MSL1: variants seen among roughly 807,000 people sequenced by gnomAD.
MSL1 encodes the protein male-specific lethal 1 homolog.
MSL1 carries 21 observed loss-of-function variants against 64.6 expected under a neutral mutation model. The ratio of observed to expected loss-of-function variants is 0.33; its 90% CI spans 0.23 to 0.47. The LOEUF is 0.47. Ranked by LOEUF, MSL1 falls within the 20% of genes least tolerant of loss-of-function variation. The probability of loss-of-function intolerance (pLI) is 1.00; values close to 1 mark genes in which losing one functional copy is unlikely to be tolerated. For synonymous variants in MSL1, 339 were observed against 329.6 expected, an observed-to-expected ratio of 1.03 and a Z score of -0.31; for missense variants, 664 against 793.2, an observed-to-expected ratio of 0.84 and a Z score of 1.96.
In MSL1 at chr17:40,122,630, G is replaced by T; in HGVS notation, c.18G>T (p.Ala6=). MTMRS[A]VFKAAAAPAG... ...GGACCACTATGACCATGAGATCCGCGGTGTTCAAGGCGGCCGCGGCCCCTG... is the reference window on the plus strand; with the variant it reads ...GGACCACTATGACCATGAGATCCGCTGTGTTCAAGGCGGCCGCGGCCCCTG... Residue 6 remains alanine (A), a synonymous_variant, in exon 1 of 9, where the codon GCG becomes GCT. Coordinates refer to ENST00000398532, the MANE Select transcript of MSL1 (RefSeq NM_001365919.1). This position sits in a 1 kb window ranked among gnomAD's most constrained non-coding sequence, Gnocchi z 4.2. 1.3e-6 allele frequency: 2 copies of T among 1,486,708 alleles called. No homozygotes were observed. Among genetic ancestry groups the T allele is most frequent in the Non-Finnish European group, 1.8e-6 (2 of 1,125,760 alleles). 92.1% of individuals were successfully genotyped at this position (1,486,708 alleles called of 1,614,324 possible). A position where few individuals can be genotyped will look rare whatever the true frequency, so the allele number is the denominator to read the frequency against.
chr17:40,133,301 CTT>C, intron 6 of MSL1, 192 bp downstream of exon 6: 1 of 747,984 alleles, frequency 1.3e-6, no homozygotes, highest in Non-Finnish European at 2.1e-6. Flanking sequence ...TGTTTGGCCT[CTT>C]TTTGTGTATG....
In MSL1 at chr17:40,123,373, G is replaced by A; in HGVS notation, c.761G>A (p.Arg254Lys). The A allele has an allele frequency of 6.5e-7, 1 of 1,536,430 alleles. No individual in the cohort carries two copies. Among genetic ancestry groups the A allele is most frequent in the Non-Finnish European group, 8.7e-7 (1 of 1,146,884 alleles). The change falls in exon 1 of 9, where the codon AGA (arginine) becomes AAA (lysine). Residue 254 changes from arginine (R) to lysine (K), a missense_variant. This residue lies in a region of MSL1 where 466 missense variants were observed against 499.0 expected (regional missense o/e 0.93). Coordinates refer to ENST00000398532, the MANE Select transcript of MSL1 (RefSeq NM_001365919.1). ...EKEIEELKSE[R>K]DTLLARIERM... ...GAGATCGAGGAGCTGAAGTCAGAGA[G>A]AGACACGGTACGGGAGGGGTTAATC...
intron 2 of MSL1, 29 bp from the exon 3 acceptor site, chr17:40,129,216 T>C: frequency 6.8e-7 from 1 of 1,479,878 alleles, no homozygotes; most frequent in South Asian, 1.4e-5. Context: ...GTCAATAAAT[T>C]TTATAATGTT....
At chr17:40,132,895 G>A (rs2145136175) in intron 5 of MSL1, 147 bp from the exon 6 acceptor site, 1 of 646,908 alleles carries the variant, frequency 1.5e-6, no homozygotes, top group East Asian at 2.8e-5. Flanking sequence ...TTACCAGGAG[G>A]TTCCCATACT....
At position 40,131,585 on chromosome 17, in the gene MSL1, G is replaced by C; in HGVS notation, c.1423+1G>C. 6.2e-7 allele frequency: 1 copy of C among 1,613,694 alleles called. No homozygotes were observed. Among genetic ancestry groups the C allele is most frequent in the Non-Finnish European group, 8.5e-7 (1 of 1,179,660 alleles). On this transcript the variant is annotated splice_donor_variant, in intron 4 of 8. Coordinates refer to ENST00000398532, the MANE Select transcript of MSL1 (RefSeq NM_001365919.1). LOFTEE classifies it high-confidence loss of function. The surrounding 1 kb of genome is among the most constrained non-coding windows in gnomAD (Gnocchi z 4.5). ...GCAGGAGAAACTTCAGTCTTGGCTG[G>C]TGAGTAGAATAGGAATTGTGCTGGC...
intron 1 of MSL1, among the ~76,000 whole-genome samples, chr17:40,124,330 TCTCCCTCC>T (rs946576445): frequency 3.3e-5 from 5 of 151,920 alleles, no homozygotes; most frequent in Non-Finnish European, 7.4e-5. Context: ...TCTCTCCCTC[TCTCCCTCC>T]CTCTTCCTCC....
At chr17:40,132,528 C>A (rs2145135738) in intron 5 of MSL1, among the ~76,000 whole-genome samples, 1 of 152,138 alleles carries the variant, frequency 6.6e-6, no homozygotes, top group South Asian at 2.1e-4. Flanking sequence ...ATCCCAGCTA[C>A]TCGGGAGGCT....
At chr17:40,124,249 T>C (rs1209736397) in intron 1 of MSL1, among the ~76,000 whole-genome samples, 2 of 152,118 alleles carry the variant, frequency 1.3e-5, no homozygotes, top group Admixed American at 1.3e-4. Context: ...ATTACTGTGC[T>C]AGCATACCTT....
chr17:40,133,863 T>C lies in MSL1; in HGVS notation c.1718T>C (p.Val573Ala). 1.2e-6 allele frequency: 2 copies of C among 1,614,026 alleles called. No individual in the cohort carries two copies. Among genetic ancestry groups the C allele is most frequent in the Non-Finnish European group, 1.7e-6 (2 of 1,179,882 alleles). Reference sequence around the variant, plus strand: ...ATGATTACCCCCTTCTTGCCTGTTGTAGCATTTGGACGACCATTACCAAAA... The same window carrying C: ...ATGATTACCCCCTTCTTGCCTGTTGCAGCATTTGGACGACCATTACCAAAA... ...SLMITPFLPV[V>A]AFGRPLPKLT... The change falls in exon 8 of 9, where the codon GTA (valine) becomes GCA (alanine). Residue 573 changes from valine (V) to alanine (A), a missense_variant. By Grantham distance (64) the Val-to-Ala change is moderately conservative (BLOSUM62 0). Coordinates refer to ENST00000398532, the MANE Select transcript of MSL1 (RefSeq NM_001365919.1).
rs1009911814 is a variant in MSL1, at chr17:40,122,601, C to T, written c.-12C>T. 9 of 1,453,556 alleles carry T rather than the reference C, an allele frequency of 6.2e-6. No homozygotes were observed. In the Admixed American group the frequency reaches 1.0e-4, roughly 17 times the overall value. The allele number at this position is 1,453,556 out of a possible 1,614,324, so 90.0% of individuals were successfully genotyped here. A position where few individuals can be genotyped will look rare whatever the true frequency, so the allele number is the denominator to read the frequency against. On this transcript the variant is annotated 5_prime_UTR_variant, in exon 1 of 9. Transcript: ENST00000398532. This position sits in a 1 kb window ranked among gnomAD's most constrained non-coding sequence, Gnocchi z 4.2. ...TCCTCCGCCTCGGTGCCCGGCGCTG[C>T]TCCGGACCACTATGACCATGAGATC...
chr17:40,123,449 G>A, intron 1 of MSL1, 69 bp downstream of exon 1: 5 of 1,480,694 alleles, frequency 3.4e-6, no homozygotes, highest in Non-Finnish European at 4.5e-6. Context: ...GAAGGGGGCT[G>A]TAGGAGGTTA....
Position 40,131,853 on chromosome 17 carries a change from T to C in MSL1, c.1424-181T>C, listed in dbSNP as rs1184515475. 1.6e-6 allele frequency: 1 copy of C among 619,018 alleles called. No homozygotes were observed. The highest frequency in any genetic ancestry group is 2.7e-5 in the East Asian group (1 of 36,610). 38.3% of individuals were successfully genotyped at this position (619,018 alleles called of 1,614,324 possible). A position where few individuals can be genotyped will look rare whatever the true frequency, so the allele number is the denominator to read the frequency against. On this transcript the variant is annotated intron_variant, in intron 4 of 8. Transcript: ENST00000398532. The surrounding 1 kb of genome is among the most constrained non-coding windows in gnomAD (Gnocchi z 4.5). Reference sequence around the variant, plus strand: ...AGACTGCAATGGCATTTTAGGTTCTTTTATACCATAGCAAGGACACTGAAT... The same window carrying C: ...AGACTGCAATGGCATTTTAGGTTCTCTTATACCATAGCAAGGACACTGAAT...
Position 40,134,432 on chromosome 17 carries a change from A to C in MSL1, c.*63A>C. The C allele has an allele frequency of 7.4e-7, 1 of 1,350,544 alleles. No individual in the cohort carries two copies. 83.7% of individuals were successfully genotyped at this position (1,350,544 alleles called of 1,614,324 possible). On this transcript the variant is annotated 3_prime_UTR_variant, in exon 9 of 9. Transcript: ENST00000398532. ...CATGCCATTCCCGAGAGTGGCAGAG[A>C]CCTGTATATGTGACCTTTGTCCTCA... is the stretch of plus-strand genomic sequence containing the variant.
Position 40,126,169 on chromosome 17 carries a change from ACTCT to A in MSL1, c.769-9_769-6del, listed in dbSNP as rs1567668625. On this transcript the variant is annotated splice_polypyrimidine_tract_variant and intron_variant, in intron 1 of 8. Transcript: ENST00000398532. Reference sequence around the variant, plus strand: ...TTATGTGTTAAGTCTGCATTTTGCTACTCTCTCTTTTAGCTCCTTGCTCGGATTG... The same window carrying A: ...TTATGTGTTAAGTCTGCATTTTGCTACTCTTTTAGCTCCTTGCTCGGATTG... 6.2e-6 allele frequency: 10 copies of A among 1,611,950 alleles called. No homozygotes were observed. The Admixed American group carries it at 6.7e-5, about 11-fold the overall frequency.
chr17:40,131,343 G>A lies in MSL1; in HGVS notation c.1376-194G>A. The A allele has an allele frequency of 1.0e-5, 5 of 484,064 alleles. No homozygotes were observed. Among genetic ancestry groups the A allele is most frequent in the Non-Finnish European group, 1.5e-5 (4 of 268,408 alleles). 30.0% of individuals were successfully genotyped at this position (484,064 alleles called of 1,614,324 possible). On this transcript the variant is annotated intron_variant, in intron 3 of 8. Coordinates refer to ENST00000398532, the MANE Select transcript of MSL1 (RefSeq NM_001365919.1). The surrounding 1 kb of genome is among the most constrained non-coding windows in gnomAD (Gnocchi z 4.5). Reference sequence around the variant, plus strand: ...AGTCGTCTCAGTGTAAAAAAAAAAAGTGGTGGGCTTATTTTCTTTTCTTTT... The same window carrying A: ...AGTCGTCTCAGTGTAAAAAAAAAAAATGGTGGGCTTATTTTCTTTTCTTTT...
chr17:40,126,463 G>A, intron 2 of MSL1, 57 bp downstream of exon 2: 1 of 1,481,828 alleles, frequency 6.7e-7, no homozygotes, highest in Non-Finnish European at 9.4e-7. Flanking sequence ...GAGAGTAGGA[G>A]ATTGGGATTT....
chr17:40,133,453 G>A, intron 6 of MSL1, 81 bp from the exon 7 acceptor site: 1 of 1,510,068 alleles, frequency 6.6e-7, no homozygotes, highest in East Asian at 2.4e-5. Context: ...CATCTGGATT[G>A]TGTGAGTTGC....
chr17:40,126,532 G>C lies in MSL1; in HGVS notation c.992+126G>C, dbSNP rs1282048445. On this transcript the variant is annotated intron_variant, in intron 2 of 8. Transcript: ENST00000398532. ...TAGAAGTCTTCTATGCGGAGGGCCGGGTGTGGTGGCTCACACCTGTAATCC... is the reference window on the plus strand; with the variant it reads ...TAGAAGTCTTCTATGCGGAGGGCCGCGTGTGGTGGCTCACACCTGTAATCC... 9 of 882,054 alleles carry C rather than the reference G, an allele frequency of 1.0e-5. No individual in the cohort carries two copies. In the African/African-American group the frequency reaches 1.5e-4, roughly 15 times the overall value. 54.6% of individuals were successfully genotyped at this position (882,054 alleles called of 1,614,324 possible).
intron 1 of MSL1, 31 bp from the exon 2 acceptor site, chr17:40,126,152 T>G (rs762307779): frequency 1.9e-6 from 3 of 1,599,694 alleles, no homozygotes; most frequent in Non-Finnish European, 2.6e-6. Flanking sequence ...TTTTATGTGT[T>G]AAGTCTGCAT....
Sources: allele counts gnomAD v4.1 joint callset (sites outside exome capture counted in the v4.1 genomes callset), GRCh38; gene constraint gnomAD v4.1.1; regional missense constraint gnomAD v4.1.1; non-coding constraint Gnocchi (gnomAD v3.1); transcripts MANE v1.5; gene names NCBI Gene and HGNC (gene_info 2026-07-23, HGNC 2026-07-21).